LINGO2: variants seen among roughly 807,000 people sequenced by gnomAD.
LINGO2 encodes the protein leucine rich repeat and Ig domain containing 2.
LINGO2 carries 14 observed loss-of-function variants against 30.6 expected under a neutral mutation model. The ratio of observed to expected loss-of-function variants is 0.46; its 90% CI spans 0.30 to 0.72. LINGO2 has a LOEUF of 0.72. LINGO2 is among the 30% of genes least tolerant of loss of function. The pLI is 0.07. For synonymous variants in LINGO2, 317 were observed against 288.5 expected, an observed-to-expected ratio of 1.10 and a Z score of -1.00; for missense variants, 729 against 751.7, an observed-to-expected ratio of 0.97 and a Z score of 0.35.
chr9:29,113,171 C>G, the LINGO2 span, among the ~76,000 whole-genome samples: 2 of 152,094 alleles, frequency 1.3e-5, no homozygotes, highest in South Asian at 4.1e-4. Context: ...AAAATACTTG[C>G]ACTAACTTAT....
the LINGO2 span, among the ~76,000 whole-genome samples, chr9:28,837,155 G>T: frequency 6.6e-6 from 1 of 152,096 alleles, no homozygotes; most frequent in African/African-American, 2.4e-5. Flanking sequence ...CAAGAGCTAG[G>T]ATATAAAAGG....
At chr9:28,034,436 G>GT (rs1436844285) in intron 4 of LINGO2, among the ~76,000 whole-genome samples, 8 of 152,204 alleles carry the variant, frequency 5.3e-5, no homozygotes, top group South Asian at 2.1e-4. Flanking sequence ...ATTCCAGGCA[G>GT]TTAGTTGGAG....
the LINGO2 span, among the ~76,000 whole-genome samples, chr9:28,795,862 G>A: frequency 6.6e-6 from 1 of 151,816 alleles, no homozygotes; most frequent in Non-Finnish European, 1.5e-5. Flanking sequence ...TTATTCAGTG[G>A]TCTCAGGAGC....
the LINGO2 span, among the ~76,000 whole-genome samples, chr9:29,077,487 A>G: frequency 2.0e-5 from 3 of 152,068 alleles, no homozygotes; most frequent in African/African-American, 7.2e-5. Context: ...TTGTGGAATT[A>G]TTCTCTATAG....
intron 3 of LINGO2, among the ~76,000 whole-genome samples, chr9:28,315,415 A>G (rs1824806805): frequency 6.6e-6 from 1 of 151,928 alleles, no homozygotes; most frequent in African/African-American, 2.4e-5. Context: ...GAAAAAAAAA[A>G]AAAAATGACA....
intron 2 of LINGO2, among the ~76,000 whole-genome samples, chr9:28,426,906 C>G (rs906870643): frequency 3.3e-5 from 5 of 152,026 alleles, no homozygotes; most frequent in African/African-American, 9.7e-5. Flanking sequence ...TCCTCTGAAA[C>G]TGAAAAGCAT....
intron 1 of LINGO2, among the ~76,000 whole-genome samples, chr9:28,556,956 G>A (rs1428006546): frequency 6.6e-6 from 1 of 152,062 alleles, no homozygotes; most frequent in East Asian, 1.9e-4. Context: ...GTAGAAAGCT[G>A]AAACTAGATC....
At chr9:29,045,833 A>C in the LINGO2 span, among the ~76,000 whole-genome samples, 2 of 152,050 alleles carry the variant, frequency 1.3e-5, no homozygotes, top group Non-Finnish European at 2.9e-5. Context: ...CATTGTTTTT[A>C]ATTCTCACTG....
chr9:28,743,266 T>C, the LINGO2 span, among the ~76,000 whole-genome samples: 7 of 152,038 alleles, frequency 4.6e-5, no homozygotes, highest in Admixed American at 3.9e-4. Context: ...ACACGTGCCG[T>C]GGTGGTTTGC....
chr9:28,351,201 G>C (rs1449767226), intron 3 of LINGO2, among the ~76,000 whole-genome samples: 1 of 149,728 alleles, frequency 6.7e-6, no homozygotes, highest in Non-Finnish European at 1.5e-5. Flanking sequence ...AAAAATTAAT[G>C]AATCCAGGAG....
the LINGO2 span, among the ~76,000 whole-genome samples, chr9:29,207,458 T>C: frequency 6.6e-6 from 1 of 152,064 alleles, no homozygotes; most frequent in African/African-American, 2.4e-5. Flanking sequence ...GTCGTCCAAT[T>C]TAGAATCCAT....
At chr9:28,867,140 T>C in the LINGO2 span, among the ~76,000 whole-genome samples, 12 of 152,188 alleles carry the variant, frequency 7.9e-5, no homozygotes, top group South Asian at 2.1e-3. Context: ...ATCACACCAC[T>C]AATATGACAA....
intron 4 of LINGO2, among the ~76,000 whole-genome samples, chr9:28,086,837 T>G (rs1825929797): frequency 6.6e-6 from 1 of 152,114 alleles, no homozygotes; most frequent in South Asian, 2.1e-4. Context: ...TTTCCTTCAG[T>G]ACAGGCAAGG....
At chr9:27,957,626 A>G (rs560823403) in intron 5 of LINGO2, among the ~76,000 whole-genome samples, 5 of 152,168 alleles carry the variant, frequency 3.3e-5, no homozygotes, top group African/African-American at 1.2e-4. Flanking sequence ...TAATTCTTGA[A>G]ATCAGATGGT....
chr9:28,535,146 C>A (rs897350735), intron 1 of LINGO2, among the ~76,000 whole-genome samples: 1 of 151,998 alleles, frequency 6.6e-6, no homozygotes, highest in Non-Finnish European at 1.5e-5. Context: ...ACAATAAACA[C>A]AGGAAAAATC....
chr9:28,549,736 C>G (rs1822174130), intron 1 of LINGO2, among the ~76,000 whole-genome samples: 2 of 151,316 alleles, frequency 1.3e-5, no homozygotes, highest in African/African-American at 4.8e-5. Flanking sequence ...ATCTATTTAC[C>G]TTTTTCTATT....
At chr9:29,182,336 T>C in the LINGO2 span, among the ~76,000 whole-genome samples, 1 of 152,050 alleles carries the variant, frequency 6.6e-6, no homozygotes, top group Non-Finnish European at 1.5e-5. Context: ...GGAACCAAGA[T>C]GTAGGATCCA....
chr9:29,062,899 C>T, the LINGO2 span, among the ~76,000 whole-genome samples: 273 of 152,132 alleles, frequency 1.8e-3, 1 homozygote, highest in African/African-American at 6.2e-3. Context: ...TTCTTTGTAC[C>T]ATTGTTTCTT....
chr9:28,455,011 A>G (rs1298335380), intron 2 of LINGO2, among the ~76,000 whole-genome samples: 1 of 152,028 alleles, frequency 6.6e-6, no homozygotes, highest in African/African-American at 2.4e-5. Flanking sequence ...GGATTTTCCA[A>G]ATCATTTTGT....
Sources: allele counts gnomAD v4.1 joint callset (sites outside exome capture counted in the v4.1 genomes callset), GRCh38; gene constraint gnomAD v4.1.1; transcripts MANE v1.5; gene names NCBI Gene and HGNC (gene_info 2026-07-23, HGNC 2026-07-21).